RPIA: variants seen among roughly 807,000 people sequenced by gnomAD.
RPIA encodes the protein ribose 5-phosphate isomerase A.
In RPIA, 29 loss-of-function variants were observed where a neutral mutation model predicts 37.8. The ratio of observed to expected loss-of-function variants is 0.77; its 90% CI spans 0.57 to 1.05. The LOEUF (loss-of-function observed/expected upper bound fraction) is 1.05. Among genes scored for constraint, RPIA ranks in the 50% least tolerant of loss-of-function variants. The pLI, the probability that RPIA is intolerant of heterozygous loss-of-function variation, is 0.00. For missense variants in RPIA, 385 were observed against 413.6 expected, an observed-to-expected ratio of 0.93 and a Z score of 0.60; for synonymous variants, 167 against 157.0, an observed-to-expected ratio of 1.06 and a Z score of -0.48.
At chr2:88,695,099 G>A (rs1672713544) in intron 1 of RPIA, among the ~76,000 whole-genome samples, 1 of 152,136 alleles carries the variant, frequency 6.6e-6, no homozygotes, top group African/African-American at 2.4e-5. Context: ...GAGCATGGAA[G>A]CTCTGTGCTC....
intron 4 of RPIA, among the ~76,000 whole-genome samples, chr2:88,733,915 T>C (rs1040883798): frequency 6.6e-6 from 1 of 152,174 alleles, no homozygotes; most frequent in Non-Finnish European, 1.5e-5. Context: ...TGGTGGAGCT[T>C]CCTAATAGAG....
chr2:88,705,811 G>T (rs1371622203), intron 3 of RPIA, among the ~76,000 whole-genome samples: 1 of 152,060 alleles, frequency 6.6e-6, no homozygotes, highest in Non-Finnish European at 1.5e-5. Flanking sequence ...CTATCCATCT[G>T]ACAAAGTTCT....
chr2:88,694,219 G>A (rs893993277), intron 1 of RPIA, among the ~76,000 whole-genome samples: 4 of 152,244 alleles, frequency 2.6e-5, no homozygotes, highest in Non-Finnish European at 4.4e-5. Context: ...GCTTTGGCAA[G>A]GGCACTGATT....
intron 1 of RPIA, 53 bp downstream of exon 1, chr2:88,692,036 T>C (rs1456235340): frequency 2.7e-5 from 42 of 1,528,080 alleles, no homozygotes; most frequent in Non-Finnish European, 3.4e-5. Context: ...CGTGATGGGC[T>C]ACTGTTGCGC....
At chr2:88,727,126 C>T (rs1434672085) in intron 3 of RPIA, among the ~76,000 whole-genome samples, 3 of 151,930 alleles carry the variant, frequency 2.0e-5, no homozygotes, top group East Asian at 1.9e-4. Context: ...TGCATGTGTG[C>T]GCATGCGAGA....
At chr2:88,712,119 C>T (rs556770342) in intron 3 of RPIA, among the ~76,000 whole-genome samples, 2 of 152,276 alleles carry the variant, frequency 1.3e-5, no homozygotes, top group East Asian at 3.9e-4. Context: ...CTTTGGAATG[C>T]ACCTGGCTGA....
At chr2:88,715,487 C>G (rs909524099) in intron 3 of RPIA, among the ~76,000 whole-genome samples, 3 of 152,198 alleles carry the variant, frequency 2.0e-5, no homozygotes, top group South Asian at 2.1e-4. Context: ...GAAATTCTAT[C>G]TATAGGAACA....
chr2:88,725,783 A>G (rs759931353), intron 3 of RPIA, among the ~76,000 whole-genome samples: 3 of 152,106 alleles, frequency 2.0e-5, no homozygotes, highest in African/African-American at 7.2e-5. Flanking sequence ...TGAGGCTCAC[A>G]CCATTTGTAA....
At chr2:88,716,819 A>C (rs1021091384) in intron 3 of RPIA, among the ~76,000 whole-genome samples, 2 of 152,342 alleles carry the variant, frequency 1.3e-5, no homozygotes, top group Non-Finnish European at 2.9e-5. Context: ...AGATTCACTG[A>C]AAATTACTGA....
rs1673487099 is a variant in RPIA at position 88,750,168 on chromosome 2, C to G, written c.*90C>G. 1 of 847,650 alleles carries G rather than the reference C, an allele frequency of 1.2e-6. No homozygotes were observed. The highest frequency in any genetic ancestry group is 1.4e-5 in the South Asian group (1 of 71,198). 52.5% of individuals were successfully genotyped at this position (847,650 alleles called of 1,614,324 possible). On this transcript the variant is annotated 3_prime_UTR_variant, in exon 9 of 9. Transcript: ENST00000283646. ...TCCAGGAGCCTTTGCCTTAATGTAT[C>G]TCTGCCTGGACAACTTGTGGTGGGG...
Position 88,750,619 on chromosome 2 carries a change from G to C in RPIA, c.*541G>C, listed in dbSNP as rs1573483148. On this transcript the variant is annotated 3_prime_UTR_variant, in exon 9 of 9. Transcript: ENST00000283646. ...ATCTTAAGATCAGGTTTATAAAACT[G>C]TGGAGTGGAGCGGTATGGTATGGAA... 2.5e-6 allele frequency: 1 copy of C among 405,330 alleles called. No individual in the cohort carries two copies. The highest frequency in any genetic ancestry group is 3.5e-5 in the East Asian group (1 of 28,240). The allele number at this position is 405,330 out of a possible 1,614,324, so 25.1% of individuals were successfully genotyped here. A position where few individuals can be genotyped will look rare whatever the true frequency, so the allele number is the denominator to read the frequency against.
chr2:88,716,686 T>TC (rs1200419925), intron 3 of RPIA, among the ~76,000 whole-genome samples: 4 of 152,212 alleles, frequency 2.6e-5, no homozygotes. Context: ...TTACTTTTTT[T>TC]CCCACTCAAA....
intron 3 of RPIA, among the ~76,000 whole-genome samples, chr2:88,712,633 A>G (rs1672973747): frequency 6.6e-6 from 1 of 152,128 alleles, no homozygotes; most frequent in Non-Finnish European, 1.5e-5. Context: ...GTTATGTATG[A>G]TTACTTTTCC....
chr2:88,710,292 C>G lies in RPIA; in HGVS notation c.402+10228C>G, dbSNP rs533841922. Among the ~76,000 whole-genome samples the G allele has an allele frequency of 8.5e-5, 13 of 152,280 alleles. 1 individual carries two copies. In the South Asian group the frequency reaches 2.7e-3, roughly 32 times the overall value. On this transcript the variant is annotated intron_variant, in intron 3 of 8. Coordinates refer to ENST00000283646, the MANE Select transcript of RPIA (RefSeq NM_144563.3). ...AACTCCTGGGCTCAAGTGATCCACC[C>G]ACCTCAGCCTCCCAAAGTGCTGAGA...
In RPIA at chr2:88,691,728, C is replaced by T; in HGVS notation, c.30C>T (p.Leu10=). 3.1e-6 allele frequency: 5 copies of T among 1,593,518 alleles called. No individual in the cohort carries two copies. Among genetic ancestry groups the T allele is most frequent in the Non-Finnish European group, 4.3e-6 (5 of 1,175,152 alleles). Residue 10 remains leucine, a synonymous_variant, in exon 1 of 9, where the codon CTC becomes CTT. Coordinates refer to ENST00000283646, the MANE Select transcript of RPIA (RefSeq NM_144563.3). The part of the protein sequence containing the change: MQRPGPFST[L]YGRVLAPLPG... ...AGCGCCCCGGGCCCTTCAGCACCCTCTACGGGCGGGTCTTGGCCCCGCTGC... is the reference window on the plus strand; with the variant it reads ...AGCGCCCCGGGCCCTTCAGCACCCTTTACGGGCGGGTCTTGGCCCCGCTGC...
At chr2:88,737,912 C>T in intron 7 of RPIA, 65 bp from the exon 8 acceptor site, 3 of 1,227,764 alleles carry the variant, frequency 2.4e-6, no homozygotes, top group Middle Eastern at 3.8e-4. Context: ...ATCCCCTCTA[C>T]TTTCCTGTCC....
At chr2:88,737,667 A>T (rs1673330652) in intron 7 of RPIA, among the ~76,000 whole-genome samples, 2 of 152,216 alleles carry the variant, frequency 1.3e-5, no homozygotes, top group Non-Finnish European at 2.9e-5. Flanking sequence ...CAGAAATCAG[A>T]TAGGAATGTG....
intron 3 of RPIA, among the ~76,000 whole-genome samples, chr2:88,728,523 A>G (rs1244690442): frequency 6.6e-6 from 1 of 152,212 alleles, no homozygotes; most frequent in Non-Finnish European, 1.5e-5. Context: ...TCTGTGCATT[A>G]TAAGCAATGA....
chr2:88,745,526 T>A (rs1673429311), intron 8 of RPIA, among the ~76,000 whole-genome samples: 1 of 152,246 alleles, frequency 6.6e-6, no homozygotes, highest in African/African-American at 2.4e-5. Context: ...TATCTCTTCC[T>A]TATTTATGAA....
Sources: allele counts gnomAD v4.1 joint callset (sites outside exome capture counted in the v4.1 genomes callset), GRCh38; gene constraint gnomAD v4.1.1; transcripts MANE v1.5; gene names NCBI Gene and HGNC (gene_info 2026-07-23, HGNC 2026-07-21).